Variants in UROC1 observed in about 807,000 individuals in gnomAD.
UROC1 encodes the protein urocanate hydratase.
UROC1 carries 79 observed loss-of-function variants against 89.5 expected under a neutral mutation model. The ratio of observed to expected loss-of-function variants is 0.88; its 90% CI spans 0.74 to 1.06. UROC1 has a LOEUF of 1.06. Among genes scored for constraint, UROC1 ranks in the 50% least tolerant of loss-of-function variants. UROC1 has a pLI of 0.00. For missense variants in UROC1, 885 were observed against 907.8 expected, an observed-to-expected ratio of 0.97 and a Z score of 0.32; for synonymous variants, 361 against 354.8, an observed-to-expected ratio of 1.02 and a Z score of -0.20.
intron 18 of UROC1, among the ~76,000 whole-genome samples, chr3:126,487,884 A>G (rs1192964145): frequency 6.6e-6 from 1 of 152,158 alleles, no homozygotes; most frequent in East Asian, 1.9e-4. Flanking sequence ...GGAAACTGAC[A>G]TGCTGGAAAC....
chr3:126,504,215 G>GTGTCTTCCCT, intron 8 of UROC1, 132 bp from the exon 9 acceptor site: 1 of 867,050 alleles, frequency 1.2e-6, no homozygotes, highest in Non-Finnish European at 1.9e-6. Context: ...CAGTCTCAGG[G>GTGTCTTCCCT]AAGACACCAT....
intron 13 of UROC1, among the ~76,000 whole-genome samples, chr3:126,498,674 G>A (rs533239183): frequency 1.1e-3 from 172 of 152,200 alleles, no homozygotes; most frequent in Non-Finnish European, 2.1e-3. Flanking sequence ...TCCCTCTCCG[G>A]AGAGTGCCAG....
At chr3:126,484,613 G>A (rs4679248) in intron 18 of UROC1, among the ~76,000 whole-genome samples, 5,176 of 152,230 alleles carry the variant, frequency 0.034, 98 homozygotes, top group Middle Eastern at 0.061. Flanking sequence ...TTCTCACCAG[G>A]AAGCCAGTGA....
chr3:126,512,439 A>T (rs996607044), intron 1 of UROC1, among the ~76,000 whole-genome samples: 1 of 152,254 alleles, frequency 6.6e-6, no homozygotes, highest in Non-Finnish European at 1.5e-5. Flanking sequence ...TACGAAAAAT[A>T]TAAGGCTAGG....
In UROC1 at chr3:126,496,120, A is replaced by T; in HGVS notation, c.1439-12T>A. 1 of 1,611,744 alleles carries T rather than the reference A, an allele frequency of 6.2e-7. No individual in the cohort carries two copies. Among genetic ancestry groups the T allele is most frequent in the South Asian group, 1.1e-5 (1 of 90,510 alleles). ...CACAGACACCTTCACTGCAGGAGAGAGGACAGCAGGCGTCAGAGACCCTCC... is the reference window on the plus strand; with the variant it reads ...CACAGACACCTTCACTGCAGGAGAGTGGACAGCAGGCGTCAGAGACCCTCC... On this transcript the variant is annotated splice_polypyrimidine_tract_variant and intron_variant, in intron 14 of 19. Coordinates refer to ENST00000290868, the MANE Select transcript of UROC1 (RefSeq NM_144639.3).
intron 13 of UROC1, among the ~76,000 whole-genome samples, chr3:126,498,448 C>A (rs72979990): frequency 6.6e-6 from 1 of 152,158 alleles, no homozygotes; most frequent in South Asian, 2.1e-4. Flanking sequence ...ATTGCTGTTA[C>A]AGATGACAAG....
chr3:126,499,325 C>G lies in UROC1; in HGVS notation c.1316+12G>C, dbSNP rs779798115. 4 of 1,610,016 alleles carry G rather than the reference C, an allele frequency of 2.5e-6. No homozygotes were observed. The highest frequency in any genetic ancestry group is 3.4e-5 in the Admixed American group (2 of 59,604). ...CTGGGCACACTAGATGTGGCAGCCG[C>G]CCATCACTCACCCCATGATGTGCTG... On this transcript the variant is annotated intron_variant, in intron 13 of 19. Coordinates refer to ENST00000290868, the MANE Select transcript of UROC1 (RefSeq NM_144639.3).
chr3:126,488,075 G>A, intron 18 of UROC1, 123 bp downstream of exon 18: 1 of 1,043,198 alleles, frequency 9.6e-7, no homozygotes, highest in Non-Finnish European at 1.5e-6. Flanking sequence ...ACAAAGGTGA[G>A]GGCAGGGGAG....
Position 126,517,597 on chromosome 3 carries a change from T to C in UROC1, c.123A>G (p.Lys41=). The change falls in exon 1 of 20, where the codon AAA becomes AAG. Residue 41 remains lysine, a synonymous_variant. Transcript: ENST00000290868. Reference sequence around the variant, plus strand: ...GGAGCACGGGCCCACTGCTTACCTGTTTCTCCACAGGGCTGAGGCTGGGGG... The same window carrying C: ...GGAGCACGGGCCCACTGCTTACCTGCTTCTCCACAGGGCTGAGGCTGGGGG... The part of the protein sequence containing the change: ...VRTPSLSPVE[K]QLALRNALRY... 1 of 1,612,318 alleles carries C rather than the reference T, an allele frequency of 6.2e-7. No homozygotes were observed. The highest frequency in any genetic ancestry group is 8.5e-7 in the Non-Finnish European group (1 of 1,179,704).
Position 126,517,751 on chromosome 3 carries a change from T to C in UROC1, c.-32A>G. On this transcript the variant is annotated 5_prime_UTR_variant, in exon 1 of 20. Coordinates refer to ENST00000290868, the MANE Select transcript of UROC1 (RefSeq NM_144639.3). ...CTGAGATGGAGGCAGAGGCCAGCAC[T>C]GTGGGGAGGCCAGGAAGAGACTGGG... 1.3e-6 allele frequency: 2 copies of C among 1,554,210 alleles called. No homozygotes were observed. The highest frequency in any genetic ancestry group is 1.7e-6 in the Non-Finnish European group (2 of 1,149,610).
At position 126,500,705 on chromosome 3, in the gene UROC1, C is replaced by T. The variant is rs1394563001; in HGVS notation, c.1135G>A (p.Val379Ile). The change falls in exon 11 of 20, where the codon GTC (valine) becomes ATC (isoleucine). Residue 379 changes from valine to isoleucine, a missense_variant. Physicochemically the swap from Val to Ile is conservative, Grantham distance 29 (BLOSUM62 3). Transcript: ENST00000290868. ...AACTCCAAGTAGCACCTTTCCTGGACCAGGTCCTTGAACACAGCAGGGTTG... is the reference window on the plus strand; with the variant it reads ...AACTCCAAGTAGCACCTTTCCTGGATCAGGTCCTTGAACACAGCAGGGTTG... ...ASNPAVFKDL[V>I]QESLRRQVSA... 6.2e-7 allele frequency: 1 copy of T among 1,614,124 alleles called. No homozygotes were observed. The highest frequency in any genetic ancestry group is 8.5e-7 in the Non-Finnish European group (1 of 1,180,028).
At chr3:126,498,321 C>T in intron 13 of UROC1, 149 bp from the exon 14 acceptor site, 1 of 1,330,866 alleles carries the variant, frequency 7.5e-7, no homozygotes. Context: ...TTCCAGGGGC[C>T]TCCCTGTCCC....
At chr3:126,488,417 C>G (rs953879812) in intron 17 of UROC1, 138 bp from the exon 18 acceptor site, 19 of 872,352 alleles carry the variant, frequency 2.2e-5, no homozygotes, top group Non-Finnish European at 3.0e-5. Flanking sequence ...GGGACAGGGC[C>G]TCTCACAGCA....
chr3:126,517,562 C>T (rs1159809873), intron 1 of UROC1, 32 bp downstream of exon 1: 1 of 1,612,348 alleles, frequency 6.2e-7, no homozygotes, highest in East Asian at 2.2e-5. Context: ...GCCTAGAGGC[C>T]AAGGCCTCGG....
At position 126,492,428 on chromosome 3, in the gene UROC1, C is replaced by T. The variant is rs1174624941; in HGVS notation, c.1598G>A (p.Arg533Lys). 4 of 1,613,552 alleles carry T rather than the reference C, an allele frequency of 2.5e-6. No individual in the cohort carries two copies. Among genetic ancestry groups the T allele is most frequent in the Non-Finnish European group, 3.4e-6 (4 of 1,179,884 alleles). ...CACAGGACACCTCACCTTGATCCTCCTGCAGGCGATGGCCTGGTTAATGGC... is the reference window on the plus strand; with the variant it reads ...CACAGGACACCTCACCTTGATCCTCTTGCAGGCGATGGCCTGGTTAATGGC... ...AVAINQAIAC[R>K]RIKAPVVLSR... The change falls in exon 16 of 20, where the codon AGG (arginine) becomes AAG (lysine). Residue 533 changes from arginine to lysine, a missense_variant. Coordinates refer to ENST00000290868, the MANE Select transcript of UROC1 (RefSeq NM_144639.3).
In UROC1 at chr3:126,483,420, C is replaced by T. The variant is rs1025426485; in HGVS notation, c.1839G>A (p.Pro613=). Residue 613 remains proline, a synonymous_variant, in exon 19 of 20, where the codon CCG becomes CCA. Coordinates refer to ENST00000290868, the MANE Select transcript of UROC1 (RefSeq NM_144639.3). The stretch of plus-strand genomic sequence containing the variant: ...TCAGCCTGGCTCTCCCCTCGGCCTC[C>T]GGGGTACCGTCCAGCACGAGGCCGA... ...GGFGLVLDGT[P]EAEGRARLML... The T allele has an allele frequency of 3.7e-6, 6 of 1,613,660 alleles. No homozygotes were observed. Among genetic ancestry groups the T allele is most frequent in the African/African-American group, 1.3e-5 (1 of 74,940 alleles).
At position 126,509,740 on chromosome 3, in the gene UROC1, C is replaced by A; in HGVS notation, c.258-62G>T. 4.8e-6 allele frequency: 7 copies of A among 1,448,206 alleles called. No individual in the cohort carries two copies. In the South Asian group the frequency reaches 8.5e-5, roughly 18 times the overall value. 89.7% of individuals were successfully genotyped at this position (1,448,206 alleles called of 1,614,324 possible). On this transcript the variant is annotated intron_variant, in intron 2 of 19. Coordinates refer to ENST00000290868, the MANE Select transcript of UROC1 (RefSeq NM_144639.3). The stretch of plus-strand genomic sequence containing the variant: ...CGCCAAAGCACAGCATCTAGCCTGG[C>A]CCCGCCCAGCCCCTGGCCGCTCAGG...
At chr3:126,486,964 G>A (rs1379985229) in intron 18 of UROC1, among the ~76,000 whole-genome samples, 1 of 152,218 alleles carries the variant, frequency 6.6e-6, no homozygotes, top group Non-Finnish European at 1.5e-5. Context: ...AGGGCAGCAG[G>A]GTAAAAGGTT....
At position 126,481,940 on chromosome 3, in the gene UROC1, C is replaced by T. The variant is rs973953243; in HGVS notation, c.*405G>A. On this transcript the variant is annotated 3_prime_UTR_variant, in exon 20 of 20. Coordinates refer to ENST00000290868, the MANE Select transcript of UROC1 (RefSeq NM_144639.3). ...CCAGGGTGCCAGGGTCCAGAAGTTG[C>T]TTGCACAGACAGCAGATGGGCAGCA... 2 of 284,350 alleles carry T rather than the reference C, an allele frequency of 7.0e-6. No individual in the cohort carries two copies. The highest frequency in any genetic ancestry group is 1.2e-3 in the Middle Eastern group (1 of 804). 17.6% of individuals were successfully genotyped at this position (284,350 alleles called of 1,614,324 possible).
Sources: gnomAD v4.1 joint callset for allele counts (sites outside exome capture counted in the v4.1 genomes callset) on GRCh38, gnomAD v4.1.1 for gene constraint, MANE v1.5 for transcripts, NCBI Gene and HGNC (gene_info 2026-07-23, HGNC 2026-07-21) for gene names.